The following WNK2 variants were observed in gnomAD, a reference collection of about 807,000 sequenced individuals.
WNK2 encodes WNK lysine deficient protein kinase 2.
A neutral mutation model predicts 192.1 loss-of-function variants in WNK2; 67 were observed. That is an observed-to-expected ratio of 0.35 (90% CI 0.29 to 0.43). WNK2 has a LOEUF of 0.43. WNK2 is among the 20% of genes least tolerant of loss of function. The probability of loss-of-function intolerance (pLI) is 1.00; values close to 1 mark genes in which losing one functional copy is unlikely to be tolerated. For missense variants in WNK2, 2,698 were observed against 3,089.7 expected (o/e 0.87, Z 3.01); for synonymous variants, 1,439 against 1,393.9 (o/e 1.03, Z -0.72).
At chr9:93,194,745 A>C (rs1455320212) in intron 2 of WNK2, among the ~76,000 whole-genome samples, 1 of 152,196 alleles carries the variant, frequency 6.6e-6, no homozygotes, top group East Asian at 1.9e-4. Flanking sequence ...CCACACAAAA[A>C]CCTGCACACG....
intron 2 of WNK2, among the ~76,000 whole-genome samples, chr9:93,212,604 C>T (rs952526340): frequency 1.3e-5 from 2 of 152,320 alleles, no homozygotes; most frequent in African/African-American, 2.4e-5. Flanking sequence ...AAGGTCCGGC[C>T]GGCCCCTTGC....
At chr9:93,216,271 T>G (rs1835726040) in intron 2 of WNK2, among the ~76,000 whole-genome samples, 1 of 152,170 alleles carries the variant, frequency 6.6e-6, no homozygotes. Flanking sequence ...GGCATTCCTG[T>G]CCTATAGAAA....
intron 19 of WNK2, among the ~76,000 whole-genome samples, chr9:93,276,838 C>T (rs111304262): frequency 1.7e-4 from 26 of 152,220 alleles, no homozygotes; most frequent in Admixed American, 9.2e-4. Flanking sequence ...GAGTTCAAGA[C>T]CAGCCTGGCC....
intron 27 of WNK2, chr9:93,308,061 G>A: frequency 1.7e-6 from 1 of 580,270 alleles, no homozygotes; most frequent in East Asian, 3.1e-5. Flanking sequence ...ATGCTGAGCA[G>A]AGGCTGCCGG....
At position 93,263,912 on chromosome 9, in the gene WNK2, TC is replaced by T; in HGVS notation, c.3580-3del. 1 of 1,610,532 alleles carries T rather than the reference TC, an allele frequency of 6.2e-7. No homozygotes were observed. Among genetic ancestry groups the T allele is most frequent in the Non-Finnish European group, 8.5e-7 (1 of 1,178,620 alleles). On this transcript the variant is annotated splice_polypyrimidine_tract_variant and splice_region_variant and intron_variant, in intron 15 of 29. Coordinates refer to ENST00000427277, the MANE Select transcript of WNK2 (RefSeq NM_006648.4). The stretch of plus-strand genomic sequence containing the variant: ...CGTGGTGGGTGCTGATGCTGCCCCT[TC>T]CAGGTGTGCAACACTGGGGACAAGA...
At chr9:93,285,170 T>C (rs1931364) in intron 19 of WNK2, among the ~76,000 whole-genome samples, 114,603 of 152,180 alleles carry the variant, frequency 0.75, 44,781 homozygotes, top group East Asian at 1. Context: ...TTCCAAGGAA[T>C]ACATTTGCTA....
Position 93,288,875 on chromosome 9 carries a change from G to C in WNK2, c.4121G>C (p.Ser1374Thr). 6.2e-7 allele frequency: 1 copy of C among 1,611,620 alleles called. No homozygotes were observed. The highest frequency in any genetic ancestry group is 8.5e-7 in the Non-Finnish European group (1 of 1,179,412). Residue 1374 changes from serine (S) to threonine (T), a missense_variant, in exon 20 of 30, where the codon AGC becomes ACC. Physicochemically the swap from Ser to Thr is moderately conservative, Grantham distance 58. Transcript: ENST00000427277. ...SQQLLSQAGPSNPPGAPPAPL... is the reference protein window; with the variant it reads ...SQQLLSQAGPTNPPGAPPAPL... ...CAGCTCCTGAGCCAGGCGGGCCCCA[G>C]CAACCCTCCTGGGGCACCCCCAGCC...
chr9:93,242,480 A>G (rs1020063780), intron 7 of WNK2, among the ~76,000 whole-genome samples: 3 of 152,208 alleles, frequency 2.0e-5, no homozygotes, highest in Non-Finnish European at 4.4e-5. Context: ...ACATTCAGAT[A>G]ATTACCAGCA....
chr9:93,289,245 T>A lies in WNK2; in HGVS notation c.4491T>A (p.Ala1497=), dbSNP rs1250075819. 3.1e-6 allele frequency: 5 copies of A among 1,604,108 alleles called. No homozygotes were observed. Among genetic ancestry groups the A allele is most frequent in the Non-Finnish European group, 4.2e-6 (5 of 1,177,688 alleles). Residue 1497 remains alanine, a synonymous_variant, in exon 20 of 30, where the codon GCT becomes GCA. Coordinates refer to ENST00000427277, the MANE Select transcript of WNK2 (RefSeq NM_006648.4). The part of the protein sequence containing the change: ...GTPQPALGQP[A]PLLPAAVGAV... Reference sequence around the variant, plus strand: ...CACAGCCCGCCTTGGGTCAACCTGCTCCCCTGCTTCCTGCCGCAGTGGGGG... The same window carrying A: ...CACAGCCCGCCTTGGGTCAACCTGCACCCCTGCTTCCTGCCGCAGTGGGGG...
intron 29 of WNK2, chr9:93,318,923 A>G: frequency 2.1e-6 from 3 of 1,417,012 alleles, no homozygotes; most frequent in Non-Finnish European, 2.8e-6. Context: ...TGTACTTATT[A>G]GAACTGGGTA....
At position 93,239,751 on chromosome 9, in the gene WNK2, C is replaced by T; in HGVS notation, c.1323-6C>T. On this transcript the variant is annotated splice_polypyrimidine_tract_variant and splice_region_variant and intron_variant, in intron 6 of 29. Transcript: ENST00000427277. The surrounding 1 kb of genome is among the most constrained non-coding windows in gnomAD (Gnocchi z 4.2). ...TGCCCCTGCCTGTCAGCTGCTCTCC[C>T]TCCAGGTACGAGATCAAAGACCTGC... 6.5e-7 allele frequency: 1 copy of T among 1,547,826 alleles called. No homozygotes were observed. Among genetic ancestry groups the T allele is most frequent in the African/African-American group, 1.4e-5 (1 of 73,138 alleles).
intron 7 of WNK2, among the ~76,000 whole-genome samples, chr9:93,241,189 C>T (rs1216648918): frequency 6.6e-6 from 1 of 152,220 alleles, no homozygotes; most frequent in Non-Finnish European, 1.5e-5. Context: ...GGTTACAAAA[C>T]ATGAACAAAC....
intron 21 of WNK2, 126 bp downstream of exon 21, chr9:93,290,173 T>G: frequency 2.4e-6 from 2 of 836,044 alleles, no homozygotes; most frequent in South Asian, 3.5e-5. Context: ...AAAGATCCTT[T>G]TATCTGTAAG....
chr9:93,206,106 G>T (rs1833329431), intron 2 of WNK2, among the ~76,000 whole-genome samples: 1 of 152,220 alleles, frequency 6.6e-6, no homozygotes, highest in Non-Finnish European at 1.5e-5. Flanking sequence ...GCTGCAGAGG[G>T]TGGTGCCTGA....
intron 23 of WNK2, among the ~76,000 whole-genome samples, chr9:93,295,116 G>T (rs996692932): frequency 2.0e-5 from 3 of 152,172 alleles, no homozygotes; most frequent in Admixed American, 6.5e-5. Context: ...GTCCCAGGCC[G>T]CGGGGCTCTG....
chr9:93,215,992 G>T (rs1587954839), intron 2 of WNK2, among the ~76,000 whole-genome samples: 1 of 152,172 alleles, frequency 6.6e-6, no homozygotes, highest in East Asian at 1.9e-4. Flanking sequence ...AGCAGAATAA[G>T]AGCAAATCAT....
At chr9:93,282,899 C>G (rs1847941793) in intron 19 of WNK2, among the ~76,000 whole-genome samples, 1 of 152,096 alleles carries the variant, frequency 6.6e-6, no homozygotes, top group Non-Finnish European at 1.5e-5. Flanking sequence ...TACGCAGACC[C>G]AAAACAAATC....
At chr9:93,292,164 G>T (rs963046616) in intron 21 of WNK2, 144 bp from the exon 22 acceptor site, 4 of 759,264 alleles carry the variant, frequency 5.3e-6, no homozygotes, top group Non-Finnish European at 8.9e-6. Flanking sequence ...CACACAGCTG[G>T]CTCCTCCCAG....
At chr9:93,278,593 C>T (rs1847281087) in intron 19 of WNK2, among the ~76,000 whole-genome samples, 1 of 152,194 alleles carries the variant, frequency 6.6e-6, no homozygotes, top group Non-Finnish European at 1.5e-5. Flanking sequence ...CCAATTGTTT[C>T]AAGGTAACTT....
Sources: allele counts gnomAD v4.1 joint callset (sites outside exome capture counted in the v4.1 genomes callset), GRCh38; gene constraint gnomAD v4.1.1; non-coding constraint Gnocchi (gnomAD v3.1); transcripts MANE v1.5; gene names NCBI Gene and HGNC (gene_info 2026-07-23, HGNC 2026-07-21).